DCLK3: variants seen among roughly 807,000 people sequenced by gnomAD.
DCLK3 encodes the protein doublecortin like kinase 3, also known as serine/threonine-protein kinase DCLK3.
Under a neutral mutation model 46.4 loss-of-function variants are expected in DCLK3, and 30 were observed. The ratio of observed to expected loss-of-function variants is 0.65; its 90% CI spans 0.48 to 0.88. The LOEUF (loss-of-function observed/expected upper bound fraction) is 0.88, where lower values mean the gene tolerates loss of function less well. Among genes scored for constraint, DCLK3 ranks in the 40% least tolerant of loss-of-function variants. The pLI is 0.00. For synonymous variants in DCLK3, 401 were observed against 339.2 expected (o/e 1.18, Z -2.00); for missense variants, 846 against 907.1 (o/e 0.93, Z 0.87).
chr3:36,750,136 A>G (rs190255177), intron 1 of DCLK3, among the ~76,000 whole-genome samples: 9 of 152,284 alleles, frequency 5.9e-5, no homozygotes, highest in Admixed American at 3.9e-4. Context: ...GCTGAAGTGC[A>G]GTGGCGCAAT....
rs1397349271 is a variant in DCLK3, at chr3:36,764,374, C to T, written c.-111G>A. The T allele has an allele frequency of 5.6e-6, 1 of 179,968 alleles. No homozygotes were observed. Among genetic ancestry groups the T allele is most frequent in the Admixed American group, 6.2e-5 (1 of 16,160 alleles). 11.1% of individuals were successfully genotyped at this position (179,968 alleles called of 1,614,324 possible). Reference sequence around the variant, plus strand: ...GGGGCGAGACGAGCAGCCACGAGCCCGCGCCGACTCTCCCTCTTCTCTCCC... The same window carrying T: ...GGGGCGAGACGAGCAGCCACGAGCCTGCGCCGACTCTCCCTCTTCTCTCCC... On this transcript the variant is annotated 5_prime_UTR_variant, in exon 1 of 5. Coordinates refer to ENST00000636136, the MANE Select transcript of DCLK3 (RefSeq NM_001394672.2). The surrounding 1 kb of genome is among the most constrained non-coding windows in gnomAD (Gnocchi z 4.9).
intron 1 of DCLK3, among the ~76,000 whole-genome samples, chr3:36,751,976 C>A (rs1701445618): frequency 6.6e-6 from 1 of 152,214 alleles, no homozygotes; most frequent in South Asian, 2.1e-4. Context: ...AGCTACACAG[C>A]TGTCAACATT....
At chr3:36,730,264 G>C (rs910523139) in intron 2 of DCLK3, among the ~76,000 whole-genome samples, 4 of 146,514 alleles carry the variant, frequency 2.7e-5, no homozygotes, top group Non-Finnish European at 6.0e-5. Flanking sequence ...AAGTATGACT[G>C]AAAAAAAAAA....
intron 2 of DCLK3, among the ~76,000 whole-genome samples, chr3:36,733,056 T>A (rs1406062662): frequency 6.6e-6 from 1 of 152,210 alleles, no homozygotes; most frequent in Non-Finnish European, 1.5e-5. Context: ...CCTGTCCTAG[T>A]CATATTCACC....
intron 2 of DCLK3, among the ~76,000 whole-genome samples, chr3:36,731,413 C>G (rs1282185521): frequency 1.3e-5 from 2 of 151,804 alleles, no homozygotes; most frequent in African/African-American, 4.8e-5. Flanking sequence ...CTGCATCCCT[C>G]TTTAGCTACT....
chr3:36,733,645 A>G (rs1327379893), intron 2 of DCLK3, among the ~76,000 whole-genome samples: 1 of 152,232 alleles, frequency 6.6e-6, no homozygotes, highest in African/African-American at 2.4e-5. Flanking sequence ...TGGCAGAAGC[A>G]GCAATTAACA....
rs55888784 is a variant in DCLK3 at position 36,738,501 on chromosome 3, G to A, written c.666C>T (p.Arg222=). ...LFSKALKGDH[R]CGETETPKSC... ...TCTTGGGGGTCTCGGTCTCCCCACA[G>A]CGGTGGTCTCCTTTCAGAGCCTTGC... is the stretch of plus-strand genomic sequence containing the variant. Residue 222 remains arginine (R), a synonymous_variant, in exon 2 of 5, where the codon CGC becomes CGT. Transcript: ENST00000636136. The A allele has an allele frequency of 0.022, 33,153 of 1,508,792 alleles. 408 individuals carry two copies. Among genetic ancestry groups the A allele is most frequent in the Non-Finnish European group, 0.026 (29,823 of 1,129,034 alleles). 93.5% of individuals were successfully genotyped at this position (1,508,792 alleles called of 1,614,324 possible). A position where few individuals can be genotyped will look rare whatever the true frequency, so the allele number is the denominator to read the frequency against.
chr3:36,738,850 CG>C lies in DCLK3; in HGVS notation c.316del (p.Arg106AlafsTer21). 3 of 634,696 alleles carry C rather than the reference CG, an allele frequency of 4.7e-6. No individual in the cohort carries two copies. 39.3% of individuals were successfully genotyped at this position (634,696 alleles called of 1,614,324 possible). A position where few individuals can be genotyped will look rare whatever the true frequency, so the allele number is the denominator to read the frequency against. ...VVTVVKLGGQ[R>X]PRKITLLLNR... is the part of the protein sequence containing the mutation. ...GAGGAGCAGAGTGATCTTTCGGGGG[CG>C]CTGCCCACCCAGCTTCACTACGGTC... On this transcript the variant is annotated frameshift_variant, in exon 2 of 5. Coordinates refer to ENST00000636136, the MANE Select transcript of DCLK3 (RefSeq NM_001394672.2). LOFTEE classifies it high-confidence loss of function.
intron 2 of DCLK3, among the ~76,000 whole-genome samples, chr3:36,731,844 C>T (rs1701203535): frequency 6.6e-6 from 1 of 152,108 alleles, no homozygotes; most frequent in Non-Finnish European, 1.5e-5. Context: ...TGTGGGACTT[C>T]CACAAGATGA....
Position 36,721,648 on chromosome 3 carries a change from A to G in DCLK3, c.1971T>C (p.Asn657=), listed in dbSNP as rs371582655. 32 of 1,614,040 alleles carry G rather than the reference A, an allele frequency of 2.0e-5. No individual in the cohort carries two copies. The highest frequency in any genetic ancestry group is 3.3e-4 in the Middle Eastern group (2 of 6,084). ...LKPENLLVQR[N]EDKSTTLKLA... ...ATTTCAAGGTAGTAGATTTGTCCTCATTTCGCTGAACCTGTAAGAAACCAA... is the reference window on the plus strand; with the variant it reads ...ATTTCAAGGTAGTAGATTTGTCCTCGTTTCGCTGAACCTGTAAGAAACCAA... Residue 657 remains asparagine, a synonymous_variant, in exon 3 of 5, where the codon AAT becomes AAC. Coordinates refer to ENST00000636136, the MANE Select transcript of DCLK3 (RefSeq NM_001394672.2).
At position 36,737,785 on chromosome 3, in the gene DCLK3, C is replaced by T. The variant is rs1213436367; in HGVS notation, c.1382G>A (p.Gly461Glu). The change falls in exon 2 of 5, where the codon GGA becomes GAA. Residue 461 changes from glycine to glutamate, a missense_variant. By Grantham distance (98) the Gly-to-Glu change is moderately conservative (BLOSUM62 -2). Transcript: ENST00000636136. This position sits in a 1 kb window ranked among gnomAD's most constrained non-coding sequence, Gnocchi z 4.4. ...AGFEKLRRTRGEEKEAEKEKK... is the reference protein window; with the variant it reads ...AGFEKLRRTREEEKEAEKEKK... The stretch of plus-strand genomic sequence containing the variant: ...CTCCTTCTCTGCCTCCTTCTCTTCT[C>T]CTCGGGTCCTGCGGAGCTTCTCAAA... The T allele has an allele frequency of 1.2e-6, 2 of 1,614,184 alleles. No homozygotes were observed. The highest frequency in any genetic ancestry group is 2.2e-5 in the East Asian group (1 of 44,872).
At chr3:36,750,221 C>T (rs1701428331) in intron 1 of DCLK3, among the ~76,000 whole-genome samples, 1 of 152,090 alleles carries the variant, frequency 6.6e-6, no homozygotes, top group African/African-American at 2.4e-5. Context: ...GCTAGGATTA[C>T]AGGCATGTAC....
intron 1 of DCLK3, among the ~76,000 whole-genome samples, chr3:36,754,037 G>A (rs377118347): frequency 6.5e-4 from 99 of 152,248 alleles, no homozygotes; most frequent in African/African-American, 2.3e-3. Flanking sequence ...GTTACAGAAT[G>A]TCTTTGGAAA....
intron 1 of DCLK3, among the ~76,000 whole-genome samples, chr3:36,760,278 C>T (rs1191207657): frequency 1.3e-5 from 2 of 152,232 alleles, no homozygotes; most frequent in Non-Finnish European, 2.9e-5. Context: ...TAGCCTAGGG[C>T]CTTGTACTCA....
chr3:36,736,006 G>A (rs760919986), intron 2 of DCLK3, among the ~76,000 whole-genome samples: 1 of 152,248 alleles, frequency 6.6e-6, no homozygotes, highest in South Asian at 2.1e-4. Context: ...GGGCGATAAA[G>A]AAGAAAGTGG....
At chr3:36,723,573 C>T (rs1255098156) in intron 2 of DCLK3, among the ~76,000 whole-genome samples, 1 of 152,144 alleles carries the variant, frequency 6.6e-6, no homozygotes, top group African/African-American at 2.4e-5. Flanking sequence ...CTGTGTGCAG[C>T]CTAGGGACTT....
intron 1 of DCLK3, among the ~76,000 whole-genome samples, chr3:36,749,376 C>T (rs1206168734): frequency 6.6e-6 from 1 of 152,240 alleles, no homozygotes; most frequent in Non-Finnish European, 1.5e-5. Context: ...CCCCGCCCCA[C>T]TAATGTCCAC....
chr3:36,730,678 G>A (rs1701188650), intron 2 of DCLK3, among the ~76,000 whole-genome samples: 1 of 152,076 alleles, frequency 6.6e-6, no homozygotes. Context: ...TGCCCATGTG[G>A]CTAGAGACTA....
At chr3:36,729,076 G>A (rs984023014) in intron 2 of DCLK3, among the ~76,000 whole-genome samples, 3 of 152,174 alleles carry the variant, frequency 2.0e-5, no homozygotes, top group African/African-American at 4.8e-5. Context: ...AGAATGCCCA[G>A]CACCAAACGC....
Sources: gnomAD v4.1 joint callset for allele counts (sites outside exome capture counted in the v4.1 genomes callset) on GRCh38, gnomAD v4.1.1 for gene constraint, Gnocchi (gnomAD v3.1) non-coding constraint, MANE v1.5 for transcripts, NCBI Gene and HGNC (gene_info 2026-07-23, HGNC 2026-07-21) for gene names.